The following RBFOX3 variants were observed in gnomAD, a reference collection of about 807,000 sequenced individuals.
RBFOX3 encodes RNA binding protein fox-1 homolog 3.
In RBFOX3, 17 loss-of-function variants were observed where a neutral mutation model predicts 48.7. The ratio of observed to expected loss-of-function variants is 0.35; its 90% CI spans 0.24 to 0.52. The LOEUF (loss-of-function observed/expected upper bound fraction) is 0.52. Among genes scored for constraint, RBFOX3 ranks in the 20% least tolerant of loss-of-function variants. RBFOX3 has a pLI of 0.94. For missense variants in RBFOX3, 382 were observed against 497.5 expected, an observed-to-expected ratio of 0.77 and a Z score of 2.21; for synonymous variants, 212 against 209.5, an observed-to-expected ratio of 1.01 and a Z score of -0.10.
At chr17:79,403,736 C>T (rs1263273429) in intron 2 of RBFOX3, among the ~76,000 whole-genome samples, 1 of 152,096 alleles carries the variant, frequency 6.6e-6, no homozygotes, top group African/African-American at 2.4e-5. Context: ...TGCCCAGGCC[C>T]CGTCCTCTCA....
rs1027051465 is a variant in RBFOX3 at position 79,094,666 on chromosome 17, C to T, written c.999-137G>A. 22 of 534,792 alleles carry T rather than the reference C, an allele frequency of 4.1e-5. No homozygotes were observed. The East Asian group carries it at 4.6e-4, about 11-fold the overall frequency. The allele number at this position is 534,792 out of a possible 1,614,324, so 33.1% of individuals were successfully genotyped here. A position where few individuals can be genotyped will look rare whatever the true frequency, so the allele number is the denominator to read the frequency against. ...AGGTCCCATCTGCAAGGCACCCTCC[C>T]CTCCTGCAAGGCCTGCAAGGCCTAC... On this transcript the variant is annotated intron_variant, in intron 13 of 14. Coordinates refer to ENST00000693108, the MANE Select transcript of RBFOX3 (RefSeq NM_001350451.2).
intron 3 of RBFOX3, among the ~76,000 whole-genome samples, chr17:79,273,572 G>T (rs58034370): frequency 2.5e-4 from 37 of 149,298 alleles, no homozygotes; most frequent in African/African-American, 8.9e-4. Context: ...GTGCTCTGGG[G>T]GGGGCGGGGG....
chr17:79,413,292 C>T (rs1050233863), intron 2 of RBFOX3, among the ~76,000 whole-genome samples: 11 of 151,670 alleles, frequency 7.3e-5, no homozygotes, highest in Non-Finnish European at 1.5e-4. Context: ...TCTCAATTTC[C>T]GTGACTTAGA....
intron 4 of RBFOX3, among the ~76,000 whole-genome samples, chr17:79,170,920 T>C (rs1240574792): frequency 2.0e-5 from 3 of 152,152 alleles, no homozygotes; most frequent in Non-Finnish European, 4.4e-5. Flanking sequence ...CCACGTAAAC[T>C]GCTGCCTCCG....
chr17:79,286,024 C>T (rs192905505), intron 3 of RBFOX3, among the ~76,000 whole-genome samples: 1 of 152,322 alleles, frequency 6.6e-6, no homozygotes, highest in East Asian at 1.9e-4. Flanking sequence ...CTGTCCTACA[C>T]AGAAAGTCAA....
At chr17:79,223,118 C>T (rs1044786053) in intron 4 of RBFOX3, among the ~76,000 whole-genome samples, 45 of 152,126 alleles carry the variant, frequency 3.0e-4, no homozygotes, top group African/African-American at 1.1e-3. Flanking sequence ...AAAATGGGCT[C>T]ACAGGCAGGG....
At chr17:79,389,573 C>T (rs2061062202) in intron 2 of RBFOX3, among the ~76,000 whole-genome samples, 1 of 152,238 alleles carries the variant, frequency 6.6e-6, no homozygotes, top group South Asian at 2.1e-4. Flanking sequence ...CCCACCCTGC[C>T]TCGGCCTCAG....
At chr17:79,387,148 T>C (rs1409286882) in intron 2 of RBFOX3, among the ~76,000 whole-genome samples, 1 of 152,202 alleles carries the variant, frequency 6.6e-6, no homozygotes, top group Non-Finnish European at 1.5e-5. Context: ...GAGTCTTTAC[T>C]GAGTCCTACT....
intron 4 of RBFOX3, among the ~76,000 whole-genome samples, chr17:79,173,684 G>C (rs1199121463): frequency 1.3e-5 from 2 of 152,208 alleles, no homozygotes; most frequent in African/African-American, 4.8e-5. Context: ...ACTGGGTGAT[G>C]GGGCAGGGGG....
intron 2 of RBFOX3, among the ~76,000 whole-genome samples, chr17:79,393,324 T>C (rs1171821574): frequency 2.0e-5 from 3 of 152,168 alleles, no homozygotes. Context: ...GCACCTAACT[T>C]GCTTGTTAGA....
intron 2 of RBFOX3, among the ~76,000 whole-genome samples, chr17:79,340,566 C>G (rs2081928350): frequency 6.6e-6 from 1 of 152,122 alleles, no homozygotes; most frequent in South Asian, 2.1e-4. Flanking sequence ...CCTGGTGTGT[C>G]TGAAAAGCGA....
chr17:79,642,885 G>A, the RBFOX3 span, among the ~76,000 whole-genome samples: 1 of 152,186 alleles, frequency 6.6e-6, no homozygotes, highest in Non-Finnish European at 1.5e-5. Flanking sequence ...TATAGATCGA[G>A]CACTTTTTAA....
chr17:79,096,283 C>A (rs2075239137), intron 12 of RBFOX3, among the ~76,000 whole-genome samples: 2 of 152,162 alleles, frequency 1.3e-5, no homozygotes, highest in African/African-American at 2.4e-5. Flanking sequence ...TGCCTCCTGG[C>A]CCCTCTTGCA....
chr17:79,436,980 G>A (rs1332453552), intron 2 of RBFOX3, among the ~76,000 whole-genome samples: 5 of 152,220 alleles, frequency 3.3e-5, no homozygotes, highest in Admixed American at 2.6e-4. Context: ...GTCCTGGGAA[G>A]CACTCTGTTA....
chr17:79,427,831 T>G (rs2067669178), intron 2 of RBFOX3, among the ~76,000 whole-genome samples: 1 of 152,232 alleles, frequency 6.6e-6, no homozygotes, highest in Non-Finnish European at 1.5e-5. Context: ...TGAACATACA[T>G]GTACACATGC....
At chr17:79,306,145 G>GGCT (rs2076060539) in intron 3 of RBFOX3, among the ~76,000 whole-genome samples, 1 of 152,242 alleles carries the variant, frequency 6.6e-6, no homozygotes, top group Non-Finnish European at 1.5e-5. Context: ...TGCAGGCGGC[G>GGCT]GCTGCTGCAG....
Position 79,391,375 on chromosome 17 carries a change from TCC to T in RBFOX3, c.-174-83553_-174-83552del, listed in dbSNP as rs1449061640. ...CACACCTGGGTTCAAGCTTCAGCTC[TCC>T]TTCCCACGATTGGTGAACACTCGGG... is the stretch of plus-strand genomic sequence containing the variant. On this transcript the variant is annotated intron_variant, in intron 2 of 14. Transcript: ENST00000693108. This position sits in a 1 kb window ranked among gnomAD's most constrained non-coding sequence, Gnocchi z 5.0. 1.3e-5 allele frequency among the ~76,000 whole-genome samples: 2 copies of T among 152,182 alleles called. No homozygotes were observed. The highest frequency in any genetic ancestry group is 4.8e-5 in the African/African-American group (2 of 41,436).
chr17:79,201,890 CT>C (rs775883165), intron 4 of RBFOX3, among the ~76,000 whole-genome samples: 11 of 152,328 alleles, frequency 7.2e-5, no homozygotes, highest in Non-Finnish European at 1.6e-4. Flanking sequence ...TTGCCTTCTA[CT>C]TTCAGGCCTC....
At chr17:79,511,657 C>T (rs917095349) in intron 1 of RBFOX3, among the ~76,000 whole-genome samples, 10 of 152,090 alleles carry the variant, frequency 6.6e-5, no homozygotes, top group Admixed American at 6.5e-5. Flanking sequence ...GCCCCATGGC[C>T]AGGGGACACC....
Sources: allele counts gnomAD v4.1 joint callset (sites outside exome capture counted in the v4.1 genomes callset), GRCh38; gene constraint gnomAD v4.1.1; non-coding constraint Gnocchi (gnomAD v3.1); transcripts MANE v1.5; gene names NCBI Gene and HGNC (gene_info 2026-07-23, HGNC 2026-07-21).